TMEM165: variants seen among roughly 807,000 people sequenced by gnomAD.
TMEM165 encodes the protein putative divalent cation/proton antiporter TMEM165.
Under a neutral mutation model 30.0 loss-of-function variants are expected in TMEM165, and 19 were observed. That is an observed-to-expected ratio of 0.63 (90% CI 0.44 to 0.93). The LOEUF (loss-of-function observed/expected upper bound fraction) is 0.93. Ranked by LOEUF, TMEM165 falls within the 40% of genes least tolerant of loss-of-function variation. The pLI is 0.00. For synonymous variants in TMEM165, 168 were observed against 162.9 expected (o/e 1.03, Z -0.24); for missense variants, 340 against 417.0 (o/e 0.82, Z 1.61).
At chr4:55,432,265 A>C in intron 3 of TMEM165, 1 of 151,138 alleles carries the variant, frequency 6.6e-6, no homozygotes, top group East Asian at 1.9e-4. Context: ...GTTTGACACC[A>C]CTCTAAGGAG....
intron 1 of TMEM165, among the ~76,000 whole-genome samples, chr4:55,401,814 A>G (rs1269623391): frequency 6.7e-6 from 1 of 150,124 alleles, no homozygotes; most frequent in Non-Finnish European, 1.5e-5. Context: ...AAAAAAATTC[A>G]TTAAAAATAA....
intron 3 of TMEM165, chr4:55,432,628 T>TG (rs1203263566): frequency 3.7e-5 from 4 of 106,686 alleles, no homozygotes; most frequent in Non-Finnish European, 7.1e-5. Context: ...TGGGGCAGGG[T>TG]GGGGGGCGGG....
downstream of TMEM165, among the ~76,000 whole-genome samples, chr4:55,427,490 C>A (rs1722272575): frequency 6.6e-6 from 1 of 150,486 alleles, no homozygotes; most frequent in South Asian, 2.1e-4. Flanking sequence ...TTATAGGTGC[C>A]CGCCACCACG....
downstream of TMEM165, among the ~76,000 whole-genome samples, chr4:55,427,127 G>A (rs776341710): frequency 6.0e-5 from 9 of 150,602 alleles, no homozygotes; most frequent in African/African-American, 1.5e-4. Context: ...TCCACCGCCC[G>A]GGTTCAAGCA....
intron 1 of TMEM165, among the ~76,000 whole-genome samples, chr4:55,400,396 T>G (rs1394727039): frequency 2.4e-5 from 3 of 125,516 alleles, no homozygotes; most frequent in Non-Finnish European, 4.8e-5. Flanking sequence ...ATAAATAATA[T>G]TAATATAATT....
Position 55,438,606 on chromosome 4 carries a change from G to A in TMEM165, c.409-13633G>A, listed in dbSNP as rs1723087702. 3.7e-6 allele frequency: 6 copies of A among 1,607,846 alleles called. No individual in the cohort carries two copies. In the South Asian group the frequency reaches 6.7e-5, roughly 18 times the overall value. On this transcript the variant is annotated intron_variant, in intron 3 of 3. Transcript: ENST00000608091. The stretch of plus-strand genomic sequence containing the variant: ...GGTATACATCATAAAACGCAGTGGA[G>A]TAAATACTTACCTAAGATAATACCC...
intron 4 of TMEM165, 174 bp downstream of exon 4, chr4:55,418,159 C>G (rs1721818507): frequency 2.0e-6 from 1 of 507,446 alleles, no homozygotes; most frequent in Non-Finnish European, 3.3e-6. Flanking sequence ...TTCCTGCTAC[C>G]TGCAGGTGAA....
intron 3 of TMEM165, chr4:55,443,696 T>C (rs768280039): frequency 3.3e-5 from 54 of 1,613,692 alleles, no homozygotes; most frequent in Admixed American, 6.7e-5. Flanking sequence ...CCTGAGTTGA[T>C]GTACTCTGTA....
At chr4:55,438,486 A>G (rs1043896194) in intron 3 of TMEM165, 5 of 1,613,854 alleles carry the variant, frequency 3.1e-6, no homozygotes, top group Admixed American at 1.7e-5. Flanking sequence ...CTGCCCCACA[A>G]GCTACAGGAG....
At chr4:55,408,895 C>CA (rs1560390701) in intron 1 of TMEM165, among the ~76,000 whole-genome samples, 1 of 148,652 alleles carries the variant, frequency 6.7e-6, no homozygotes, top group Non-Finnish European at 1.5e-5. Flanking sequence ...GAAAATGTGT[C>CA]AGAGCCAAGT....
chr4:55,431,650 A>G (rs1338937962), intron 3 of TMEM165: 1 of 152,252 alleles, frequency 6.6e-6, no homozygotes, highest in Non-Finnish European at 1.5e-5. Context: ...GAAAGGTTAT[A>G]GACTTGAATG....
intron 1 of TMEM165, among the ~76,000 whole-genome samples, 165 bp downstream of exon 1, chr4:55,396,561 G>C (rs1364746992): frequency 6.6e-6 from 1 of 152,222 alleles, no homozygotes; most frequent in Non-Finnish European, 1.5e-5. Flanking sequence ...TTTCCGGTGA[G>C]GCCTGGTCTT....
intron 4 of TMEM165, among the ~76,000 whole-genome samples, chr4:55,419,782 C>G (rs1006219696): frequency 6.6e-6 from 1 of 151,612 alleles, no homozygotes; most frequent in Non-Finnish European, 1.5e-5. Flanking sequence ...TAATTATAGG[C>G]TGTGGTTTAA....
At chr4:55,402,920 T>C (rs1161653978) in intron 1 of TMEM165, among the ~76,000 whole-genome samples, 1 of 150,030 alleles carries the variant, frequency 6.7e-6, no homozygotes, top group Admixed American at 6.7e-5. Context: ...GCCTCCCAAG[T>C]AGCTGGGACT....
intron 1 of TMEM165, among the ~76,000 whole-genome samples, chr4:55,408,840 A>T (rs937909775): frequency 2.6e-5 from 4 of 152,126 alleles, no homozygotes; most frequent in Non-Finnish European, 5.9e-5. Context: ...CTGGGATTTC[A>T]GATCCTGAAA....
downstream of TMEM165, chr4:55,428,152 A>G (rs572773083): frequency 1.3e-5 from 2 of 152,316 alleles, no homozygotes; most frequent in Non-Finnish European, 2.9e-5. Context: ...AATACATGAC[A>G]AGAGTATGGG....
chr4:55,417,291 T>C, intron 3 of TMEM165, 44 bp downstream of exon 3: 1 of 1,579,796 alleles, frequency 6.3e-7, no homozygotes, highest in Non-Finnish European at 8.6e-7. Context: ...GGCACTCAAC[T>C]AGGAATAAAC....
At chr4:55,418,888 T>C (rs1324209824) in intron 4 of TMEM165, among the ~76,000 whole-genome samples, 2 of 151,822 alleles carry the variant, frequency 1.3e-5, no homozygotes, top group Non-Finnish European at 2.9e-5. Flanking sequence ...CTACTAAAAA[T>C]ACAAAAATTA....
intron 3 of TMEM165, among the ~76,000 whole-genome samples, chr4:55,446,270 T>A (rs1723841660): frequency 6.6e-6 from 1 of 151,970 alleles, no homozygotes; most frequent in Non-Finnish European, 1.5e-5. Flanking sequence ...ATGTTTTTTT[T>A]AAGAGATGGG....
Sources: allele counts gnomAD v4.1 joint callset (sites outside exome capture counted in the v4.1 genomes callset), GRCh38; gene constraint gnomAD v4.1.1; transcripts MANE v1.5; gene names NCBI Gene and HGNC (gene_info 2026-07-23, HGNC 2026-07-21).